SELP: variants seen among roughly 807,000 people sequenced by gnomAD.
SELP encodes P-selectin.
In SELP, 92 loss-of-function variants were observed where a neutral mutation model predicts 104.1. That is an observed-to-expected ratio of 0.88 (90% CI 0.75 to 1.05). The LOEUF (loss-of-function observed/expected upper bound fraction) is 1.05, where lower values mean the gene tolerates loss of function less well. SELP is among the 50% of genes least tolerant of loss of function. The probability of loss-of-function intolerance (pLI) is 0.00; values close to 1 mark genes in which losing one functional copy is unlikely to be tolerated. For missense variants in SELP, 1,022 were observed against 1,017.3 expected, an observed-to-expected ratio of 1.00 and a Z score of -0.06; for synonymous variants, 397 against 364.5, an observed-to-expected ratio of 1.09 and a Z score of -1.01.
chr1:169,629,120 G>T (rs1039552518), intron 1 of SELP, among the ~76,000 whole-genome samples: 2 of 152,200 alleles, frequency 1.3e-5, no homozygotes, highest in Non-Finnish European at 2.9e-5. Flanking sequence ...GAAAGTCTGA[G>T]GAAAATTGGA....
rs748993671 is a variant in SELP, at chr1:169,617,259, G to A, written c.250C>T (p.Pro84Ser). ...NEIDYLNKVL[P>S]YYSSYYWIGI... is the part of the protein sequence containing the mutation. ...ATCCAGTAGTAGGAGCTGTAGTAGGGTAGGACCTTATTGAGGTAATCAATT... is the reference window on the plus strand; with the variant it reads ...ATCCAGTAGTAGGAGCTGTAGTAGGATAGGACCTTATTGAGGTAATCAATT... Residue 84 changes from proline (P) to serine (S), a missense_variant, in exon 3 of 17, where the codon CCC (proline) becomes TCC (serine). Coordinates refer to ENST00000263686, the MANE Select transcript of SELP (RefSeq NM_003005.4). The A allele has an allele frequency of 1.1e-5, 17 of 1,614,128 alleles. No homozygotes were observed. In the South Asian group the frequency reaches 1.8e-4, roughly 17 times the overall value.
intron 9 of SELP, 69 bp from the exon 10 acceptor site, chr1:169,603,280 T>C: frequency 7.7e-7 from 1 of 1,306,028 alleles, no homozygotes; most frequent in Non-Finnish European, 1.1e-6. Context: ...ACTCTGTAAC[T>C]CTCTCTCTCT....
intron 3 of SELP, among the ~76,000 whole-genome samples, chr1:169,614,609 C>T (rs867731100): frequency 6.6e-6 from 1 of 152,106 alleles, no homozygotes; most frequent in Non-Finnish European, 1.5e-5. Context: ...AAGCCCTGTC[C>T]ACATGCTGGT....
intron 1 of SELP, among the ~76,000 whole-genome samples, chr1:169,624,312 C>A (rs141768304): frequency 1.3e-5 from 2 of 152,208 alleles, no homozygotes; most frequent in Non-Finnish European, 2.9e-5. Flanking sequence ...GAAGCATCCA[C>A]ATGCTCTGCT....
At chr1:169,618,165 A>C (rs1408063465) in intron 2 of SELP, among the ~76,000 whole-genome samples, 1 of 152,166 alleles carries the variant, frequency 6.6e-6, no homozygotes, top group Non-Finnish European at 1.5e-5. Context: ...CTTAGCACTG[A>C]GCCTAGAGTT....
At chr1:169,622,134 C>A (rs1011241871) in intron 1 of SELP, among the ~76,000 whole-genome samples, 1 of 152,134 alleles carries the variant, frequency 6.6e-6, no homozygotes, top group African/African-American at 2.4e-5. Context: ...AGAGCTTTGC[C>A]TTTGGATATA....
chr1:169,607,275 T>C, intron 8 of SELP, 141 bp from the exon 9 acceptor site: 1 of 620,128 alleles, frequency 1.6e-6, no homozygotes, highest in East Asian at 3.3e-5. Context: ...AAAAGTGTCA[T>C]TTAATTATAA....
chr1:169,624,051 C>T (rs887463571), intron 1 of SELP, among the ~76,000 whole-genome samples: 1 of 152,142 alleles, frequency 6.6e-6, no homozygotes, highest in African/African-American at 2.4e-5. Context: ...TAAGTCTGTC[C>T]ATGTTTAATG....
chr1:169,616,287 T>A lies in SELP; in HGVS notation c.481+741A>T, dbSNP rs1283015287. ...AAGCATTTACAATCCTTGGTTATAT[T>A]CTCAAATTGTCTCATAAAAATGTAG... On this transcript the variant is annotated intron_variant, in intron 3 of 16. Coordinates refer to ENST00000263686, the MANE Select transcript of SELP (RefSeq NM_003005.4). 2.0e-5 allele frequency among the ~76,000 whole-genome samples: 3 copies of A among 152,344 alleles called. No individual in the cohort carries two copies. In the East Asian group the frequency reaches 5.8e-4, roughly 29 times the overall value.
rs1661998130 is a variant in SELP at position 169,603,163 on chromosome 1, C to T, written c.1568G>A (p.Cys523Tyr). Reference sequence around the variant, plus strand: ...ACTGGAACTTCCAAGAGGTTGAACACAGGTCATTGTTCCATTCTGAGGGCT... The same window carrying T: ...ACTGGAACTTCCAAGAGGTTGAACATAGGTCATTGTTCCATTCTGAGGGCT... ...LLSPQNGTMTCVQPLGSSSYK... is the reference protein window; with the variant it reads ...LLSPQNGTMTYVQPLGSSSYK... The change falls in exon 10 of 17, where the codon TGT (cysteine) becomes TAT (tyrosine). Residue 523 changes from cysteine (C) to tyrosine (Y), a missense_variant. Physicochemically the swap from Cys to Tyr is radical, Grantham distance 194 (BLOSUM62 -2). Coordinates refer to ENST00000263686, the MANE Select transcript of SELP (RefSeq NM_003005.4). 6.2e-7 allele frequency: 1 copy of T among 1,613,866 alleles called. No homozygotes were observed. The highest frequency in any genetic ancestry group is 1.3e-5 in the African/African-American group (1 of 74,872).
chr1:169,623,603 G>T (rs1446787588), intron 1 of SELP, among the ~76,000 whole-genome samples: 11 of 152,202 alleles, frequency 7.2e-5, no homozygotes, highest in African/African-American at 2.7e-4. Context: ...GACTGGTACA[G>T]TGCTTTTGAT....
chr1:169,610,592 T>C (rs777467899), intron 7 of SELP, among the ~76,000 whole-genome samples: 4 of 151,998 alleles, frequency 2.6e-5, no homozygotes, highest in Admixed American at 6.5e-5. Flanking sequence ...AGGTCGGGAG[T>C]TTGAGACCAG....
intron 3 of SELP, among the ~76,000 whole-genome samples, chr1:169,616,020 C>T (rs1373315236): frequency 6.6e-6 from 1 of 152,180 alleles, no homozygotes; most frequent in Admixed American, 6.5e-5. Context: ...GAACCGGCCC[C>T]TCTGGACAGG....
In SELP at chr1:169,617,415, C is replaced by T; in HGVS notation, c.95-1G>A. Reference sequence around the variant, plus strand: ...GCCACTTCTTTCTGGTTTGTTAGTTCTAGAGTAAAGGAGAGTGAGTGCCAG... The same window carrying T: ...GCCACTTCTTTCTGGTTTGTTAGTTTTAGAGTAAAGGAGAGTGAGTGCCAG... On this transcript the variant is annotated splice_acceptor_variant, in intron 2 of 16. Coordinates refer to ENST00000263686, the MANE Select transcript of SELP (RefSeq NM_003005.4). LOFTEE classifies it high-confidence loss of function. 1 of 1,613,182 alleles carries T rather than the reference C, an allele frequency of 6.2e-7. No individual in the cohort carries two copies. Among genetic ancestry groups the T allele is most frequent in the South Asian group, 1.1e-5 (1 of 90,982 alleles).
At chr1:169,595,472 G>T in intron 12 of SELP, among the ~76,000 whole-genome samples, 1 of 152,180 alleles carries the variant, frequency 6.6e-6, no homozygotes, top group Admixed American at 6.5e-5. Context: ...ATACAAAAAT[G>T]AAAGAAACAT....
rs1466975955 is a variant in SELP at position 169,598,698 on chromosome 1, C to A, written c.1706-1522G>T. Among the ~76,000 whole-genome samples, 7 of 152,154 alleles carry A rather than the reference C, an allele frequency of 4.6e-5. No individual in the cohort carries two copies. The South Asian group carries it at 1.4e-3, about 31-fold the overall frequency. The stretch of plus-strand genomic sequence containing the variant: ...AATCTCCCAGAATTACAACTTTAAA[C>A]TGAAGAATATGTATAATGTCAGCTG... On this transcript the variant is annotated intron_variant, in intron 10 of 16. Coordinates refer to ENST00000263686, the MANE Select transcript of SELP (RefSeq NM_003005.4).
chr1:169,603,688 T>G (rs977151295), intron 9 of SELP, among the ~76,000 whole-genome samples: 48 of 152,180 alleles, frequency 3.2e-4, no homozygotes, highest in Non-Finnish European at 6.6e-4. Context: ...CTTCCCCCTT[T>G]CCCAACCAAG....
chr1:169,595,538 C>T (rs551923602), intron 12 of SELP, among the ~76,000 whole-genome samples: 1 of 152,220 alleles, frequency 6.6e-6, no homozygotes, highest in East Asian at 1.9e-4. Context: ...TCATGTATGG[C>T]TTAACTTTTT....
intron 9 of SELP, 121 bp downstream of exon 9, chr1:169,606,828 A>G: frequency 1.1e-6 from 1 of 873,126 alleles, no homozygotes; most frequent in Non-Finnish European, 1.8e-6. Context: ...GAGTGAGAGT[A>G]TTTATGAATT....
Sources: gnomAD v4.1 joint callset for allele counts (sites outside exome capture counted in the v4.1 genomes callset) on GRCh38, gnomAD v4.1.1 for gene constraint, MANE v1.5 for transcripts, NCBI Gene and HGNC (gene_info 2026-07-23, HGNC 2026-07-21) for gene names.